The following ANK3 variants were observed in gnomAD, a reference collection of about 807,000 sequenced individuals.
ANK3 encodes ankyrin 3, also known as ankyrin-3.
In ANK3, 57 loss-of-function variants were observed where a neutral mutation model predicts 370.9. That is an observed-to-expected ratio of 0.15 (90% confidence interval 0.12 to 0.19). The LOEUF is 0.19. ANK3 is among the 10% of genes least tolerant of loss of function. The probability of loss-of-function intolerance (pLI) is 1.00; values close to 1 mark genes in which losing one functional copy is unlikely to be tolerated. For missense variants in ANK3, 4,439 were observed against 5,302.1 expected, an observed-to-expected ratio of 0.84 and a Z score of 5.06; for synonymous variants, 1,929 against 1,946.3, an observed-to-expected ratio of 0.99 and a Z score of 0.23.
chr10:60,078,757 T>C (rs2084397103), intron 36 of ANK3, among the ~76,000 whole-genome samples: 1 of 152,150 alleles, frequency 6.6e-6, no homozygotes, highest in Admixed American at 6.5e-5. Flanking sequence ...TCACTTGGAG[T>C]TCCCATAACA....
rs1458053344 is a variant in ANK3 at position 60,071,074 on chromosome 10, C to T, written c.9807G>A (p.Lys3269=). 1 of 1,614,128 alleles carries T rather than the reference C, an allele frequency of 6.2e-7. No homozygotes were observed. Among genetic ancestry groups the T allele is most frequent in the Admixed American group, 1.7e-5 (1 of 60,024 alleles). Residue 3269 remains lysine, a synonymous_variant, in exon 37 of 44, where the codon AAG becomes AAA. Coordinates refer to ENST00000280772, the MANE Select transcript of ANK3 (RefSeq NM_020987.5). ...PLDADQIESD[K]KHHYLPEKEV... is the part of the protein sequence containing the mutation. ...CTTTTTCTGGGAGATAATGATGCTT[C>T]TTATCTGACTCAATCTGGTCCGCAT...
At chr10:60,119,012 A>G (rs940444802) in intron 25 of ANK3, among the ~76,000 whole-genome samples, 1 of 152,224 alleles carries the variant, frequency 6.6e-6, no homozygotes, top group East Asian at 1.9e-4. Flanking sequence ...TAACACGAAC[A>G]AATCTCATAC....
At chr10:60,582,935 T>A (rs999067004) in intron 2 of ANK3, among the ~76,000 whole-genome samples, 4 of 152,146 alleles carry the variant, frequency 2.6e-5, no homozygotes, top group African/African-American at 9.7e-5. Context: ...ACAGCCATTA[T>A]GGAAGGAGCA....
At chr10:60,561,331 A>G (rs1340175108) in intron 2 of ANK3, among the ~76,000 whole-genome samples, 5 of 152,326 alleles carry the variant, frequency 3.3e-5, no homozygotes, top group Non-Finnish European at 5.9e-5. Flanking sequence ...TCTGATGTAC[A>G]TATTTTTATT....
chr10:60,150,026 T>G lies in ANK3; in HGVS notation c.2615-10939A>C, dbSNP rs918020390. ...ACCCGGCCTCCTATACCACTTGTGC[T>G]CTTTTGATTGGAGCTTTCTAGGAAA... On this transcript the variant is annotated intron_variant, in intron 23 of 43. Coordinates refer to ENST00000280772, the MANE Select transcript of ANK3 (RefSeq NM_020987.5). 4.6e-5 allele frequency among the ~76,000 whole-genome samples: 7 copies of G among 152,316 alleles called. No individual in the cohort carries two copies. In the South Asian group the frequency reaches 6.2e-4, roughly 14 times the overall value.
At chr10:60,639,546 G>C (rs887063093) in intron 1 of ANK3, among the ~76,000 whole-genome samples, 1 of 151,684 alleles carries the variant, frequency 6.6e-6, no homozygotes, top group Non-Finnish European at 1.5e-5. Context: ...ACATGTAGAA[G>C]TAAAATATGT....
At chr10:60,421,650 CACCCT>C (rs1385486777) in intron 2 of ANK3, among the ~76,000 whole-genome samples, 1 of 152,142 alleles carries the variant, frequency 6.6e-6, no homozygotes, top group East Asian at 1.9e-4. Flanking sequence ...CTCCCATCCT[CACCCT>C]AAAAAGCAGG....
intron 2 of ANK3, among the ~76,000 whole-genome samples, chr10:60,593,580 C>T (rs1407719000): frequency 6.6e-6 from 1 of 152,024 alleles, no homozygotes; most frequent in East Asian, 1.9e-4. Flanking sequence ...GTTTCTATTG[C>T]TTTCTGGACA....
intron 2 of ANK3, among the ~76,000 whole-genome samples, chr10:60,476,052 T>C (rs537236803): frequency 6.6e-6 from 1 of 152,344 alleles, no homozygotes; most frequent in East Asian, 1.9e-4. Flanking sequence ...TTATTGTTGT[T>C]GTTTTAATAA....
At chr10:60,050,063 TATC>T (rs1426046248) in intron 42 of ANK3, among the ~76,000 whole-genome samples, 1 of 152,182 alleles carries the variant, frequency 6.6e-6, no homozygotes, top group Non-Finnish European at 1.5e-5. Context: ...CACTTTAAAA[TATC>T]ATATCTTGAA....
chr10:60,062,579 G>A (rs984914769), intron 40 of ANK3: 4 of 152,120 alleles, frequency 2.6e-5, no homozygotes, highest in African/African-American at 7.2e-5. Context: ...AACAACGAAC[G>A]CTAAATAACT....
chr10:60,077,273 A>G (rs1486306027), intron 36 of ANK3, among the ~76,000 whole-genome samples: 8 of 152,230 alleles, frequency 5.3e-5, no homozygotes, highest in Non-Finnish European at 1.2e-4. Flanking sequence ...GGAAAAGAAA[A>G]CATAATATGA....
intron 2 of ANK3, among the ~76,000 whole-genome samples, chr10:60,556,800 A>G (rs2077216907): frequency 6.6e-6 from 1 of 152,210 alleles, no homozygotes; most frequent in Non-Finnish European, 1.5e-5. Context: ...TAGGCCATGG[A>G]CTGGCACTGG....
chr10:60,679,181 C>G (rs1197639857), intron 1 of ANK3, among the ~76,000 whole-genome samples: 1 of 152,040 alleles, frequency 6.6e-6, no homozygotes, highest in African/African-American at 2.4e-5. Flanking sequence ...ACAGGGCAGG[C>G]AAAGAGCTTA....
chr10:60,089,423 C>T (rs1023055212), intron 28 of ANK3, among the ~76,000 whole-genome samples: 1 of 151,590 alleles, frequency 6.6e-6, no homozygotes, highest in Non-Finnish European at 1.5e-5. Context: ...GACCACCTCC[C>T]AACCAACTCA....
At chr10:60,247,947 G>GT (rs2097581862) in intron 7 of ANK3, among the ~76,000 whole-genome samples, 1 of 152,194 alleles carries the variant, frequency 6.6e-6, no homozygotes, top group African/African-American at 2.4e-5. Context: ...GATTACAGGC[G>GT]TGAGCCACTG....
chr10:60,216,821 A>G (rs1295660460), intron 8 of ANK3, among the ~76,000 whole-genome samples: 1 of 152,056 alleles, frequency 6.6e-6, no homozygotes. Context: ...AATTGTTTGG[A>G]AGAGTTTCAG....
intron 8 of ANK3, among the ~76,000 whole-genome samples, chr10:60,222,317 T>C (rs774463280): frequency 1.1e-4 from 16 of 152,024 alleles, no homozygotes; most frequent in Non-Finnish European, 1.8e-4. Flanking sequence ...TGTAAGATCT[T>C]TAATTAGCAT....
intron 1 of ANK3, among the ~76,000 whole-genome samples, chr10:60,379,737 G>A (rs1440579361): frequency 6.6e-6 from 1 of 152,062 alleles, no homozygotes; most frequent in Non-Finnish European, 1.5e-5. Context: ...GAGGTATAGA[G>A]GAAAGATTTG....
Sources: allele counts gnomAD v4.1 joint callset (sites outside exome capture counted in the v4.1 genomes callset), GRCh38; gene constraint gnomAD v4.1.1; transcripts MANE v1.5; gene names NCBI Gene and HGNC (gene_info 2026-07-23, HGNC 2026-07-21).